The following SDHA variants were observed in gnomAD, a reference collection of about 807,000 sequenced individuals.
SDHA encodes succinate dehydrogenase [ubiquinone] flavoprotein subunit, mitochondrial.
SDHA carries 48 observed loss-of-function variants against 78.4 expected under a neutral mutation model. The ratio of observed to expected loss-of-function variants is 0.61; its 90% CI spans 0.49 to 0.78. The LOEUF is 0.78. SDHA is among the 30% of genes least tolerant of loss of function. SDHA has a pLI of 0.00. For missense variants in SDHA, 680 were observed against 892.7 expected (o/e 0.76, Z 3.04); for synonymous variants, 326 against 353.9 (o/e 0.92, Z 0.88).
Position 225,759 on chromosome 5 carries a change from A to G in SDHA, c.457-124A>G, listed in dbSNP as rs1734979817. The stretch of plus-strand genomic sequence containing the variant: ...AACTTCTCTTTGATGAAGTGTTGAC[A>G]TTTTCATAAAATAGGTTACTTTGGG... On this transcript the variant is annotated intron_variant, in intron 4 of 14. Transcript: ENST00000264932. 20 of 1,412,190 alleles carry G rather than the reference A, an allele frequency of 1.4e-5. No homozygotes were observed. The Middle Eastern group carries it at 7.4e-4, about 52-fold the overall frequency. 87.5% of individuals were successfully genotyped at this position (1,412,190 alleles called of 1,614,324 possible).
chr5:221,446 A>G (rs1419803892), intron 1 of SDHA, among the ~76,000 whole-genome samples: 1 of 152,176 alleles, frequency 6.6e-6, no homozygotes, highest in Non-Finnish European at 1.5e-5. Context: ...TAGGTTGTAC[A>G]TGCAGATTAG....
At chr5:259,473 AG>A (rs1737404261), downstream of SDHA, among the ~76,000 whole-genome samples, 1 of 32,284 alleles carries the variant, frequency 3.1e-5, no homozygotes. Flanking sequence ...GCCTCCTGCC[AG>A]AGCATTACCG....
Position 230,758 on chromosome 5 carries a change from G to A in SDHA, c.771-118G>A, listed in dbSNP as rs1735344552. On this transcript the variant is annotated intron_variant, in intron 6 of 14. Coordinates refer to ENST00000264932, the MANE Select transcript of SDHA (RefSeq NM_004168.4). ...GGGGTGTGCGTGAGTAGGGGGTTGT[G>A]TGTGCACAGCACTGAGAAGACGGTG... 11 of 1,365,666 alleles carry A rather than the reference G, an allele frequency of 8.1e-6. No homozygotes were observed. The South Asian group carries it at 8.2e-5, about 10-fold the overall frequency. The allele number at this position is 1,365,666 out of a possible 1,614,324, so 84.6% of individuals were successfully genotyped here.
At chr5:231,986 G>C (rs1476819325) in intron 7 of SDHA, among the ~76,000 whole-genome samples, 6 of 150,534 alleles carry the variant, frequency 4.0e-5, no homozygotes, top group African/African-American at 1.5e-4. Context: ...TTGAAGTCTT[G>C]AGTTTGGAGG....
intron 11 of SDHA, among the ~76,000 whole-genome samples, chr5:246,661 A>G (rs1438769147): frequency 2.6e-5 from 4 of 152,144 alleles, no homozygotes; most frequent in African/African-American, 2.4e-5. Flanking sequence ...TCTTCCACAT[A>G]CTAATTCATG....
chr5:228,454 T>G, intron 6 of SDHA, 121 bp downstream of exon 6: 2 of 1,113,496 alleles, frequency 1.8e-6, no homozygotes, highest in Non-Finnish European at 2.6e-6. Context: ...GGCCTTGATA[T>G]AACCATGTGA....
rs529751525 is a variant in SDHA at position 235,417 on chromosome 5, A to C, written c.1260+78A>C. The C allele has an allele frequency of 1.4e-5, 19 of 1,353,316 alleles. No homozygotes were observed. The Admixed American group carries it at 1.5e-4, about 11-fold the overall frequency. 83.8% of individuals were successfully genotyped at this position (1,353,316 alleles called of 1,614,324 possible). A position where few individuals can be genotyped will look rare whatever the true frequency, so the allele number is the denominator to read the frequency against. ...GCCCACCTCGCAGTTGTCTCTTTAG[A>C]TCTTACAGGAAAAGATAGATGTTTC... is the stretch of plus-strand genomic sequence containing the variant. On this transcript the variant is annotated intron_variant, in intron 9 of 14. Transcript: ENST00000264932.
downstream of SDHA, among the ~76,000 whole-genome samples, chr5:257,603 G>C: frequency 8.4e-6 from 1 of 118,376 alleles, no homozygotes; most frequent in South Asian, 2.7e-4. Flanking sequence ...TACCTTGTGA[G>C]CTCCACCCCC....
intron 8 of SDHA, 117 bp from the exon 9 acceptor site, chr5:235,027 G>A: frequency 9.8e-7 from 1 of 1,023,016 alleles, no homozygotes; most frequent in Admixed American, 1.8e-5. Flanking sequence ...ATACATGAGG[G>A]GAAATTTTCC....
intron 11 of SDHA, among the ~76,000 whole-genome samples, chr5:248,805 C>G (rs1240484452): frequency 6.6e-6 from 1 of 152,204 alleles, no homozygotes; most frequent in East Asian, 1.9e-4. Context: ...GCCACGGCCA[C>G]ACTATGTTCA....
chr5:238,267 CACA>C (rs1413092668), intron 10 of SDHA, among the ~76,000 whole-genome samples: 10 of 151,992 alleles, frequency 6.6e-5, no homozygotes. Context: ...GACTTACAGA[CACA>C]ACTCTGTGTG....
At chr5:244,247 C>T (rs1736313351) in intron 11 of SDHA, among the ~76,000 whole-genome samples, 2 of 151,458 alleles carry the variant, frequency 1.3e-5, no homozygotes, top group Non-Finnish European at 2.9e-5. Flanking sequence ...CTTGGGGAAC[C>T]CCCACCAAAG....
In SDHA at chr5:235,353, C is replaced by T. The variant is rs1237313111; in HGVS notation, c.1260+14C>T. On this transcript the variant is annotated intron_variant, in intron 9 of 14. Coordinates refer to ENST00000264932, the MANE Select transcript of SDHA (RefSeq NM_004168.4). ...TACAAGGGGCAGGTGATGGTGCTGGCTCCTCCCCCACAGCTGGAAAGAAGG... is the reference window on the plus strand; with the variant it reads ...TACAAGGGGCAGGTGATGGTGCTGGTTCCTCCCCCACAGCTGGAAAGAAGG... 6.2e-7 allele frequency: 1 copy of T among 1,613,734 alleles called. No individual in the cohort carries two copies. The highest frequency in any genetic ancestry group is 1.3e-5 in the African/African-American group (1 of 75,022).
At position 225,373 on chromosome 5, in the gene SDHA, T is replaced by C. The variant is rs373761366; in HGVS notation, c.313-46T>C. On this transcript the variant is annotated intron_variant, in intron 3 of 14. Transcript: ENST00000264932. ...GTGGATTTGGGCCTGGAAGACAAAG[T>C]TGGCGCTCCTGTTTGTGGCTTGTAA... The C allele has an allele frequency of 1.4e-4, 222 of 1,611,820 alleles. No individual in the cohort carries two copies. The African/African-American group carries it at 2.7e-3, about 19-fold the overall frequency.
At chr5:219,115 A>T (rs1017608914) in intron 1 of SDHA, among the ~76,000 whole-genome samples, 4 of 152,192 alleles carry the variant, frequency 2.6e-5, no homozygotes, top group African/African-American at 9.6e-5. Flanking sequence ...CAGTGTTTAA[A>T]AGCAGCTGTG....
rs980815395 is a variant in SDHA, at chr5:256,599, G to A, written c.*179G>A. ...GCCAGGAACCCAGTGGCCAGGGAGC[G>A]TGGCACTTACCTTTGTCCCTTGCTT... is the stretch of plus-strand genomic sequence containing the variant. On this transcript the variant is annotated 3_prime_UTR_variant, in exon 15 of 15. Coordinates refer to ENST00000264932, the MANE Select transcript of SDHA (RefSeq NM_004168.4). 145 of 656,844 alleles carry A rather than the reference G, an allele frequency of 2.2e-4. 1 individual carries two copies. The highest frequency in any genetic ancestry group is 5.9e-4 in the African/African-American group (33 of 55,774). 40.7% of individuals were successfully genotyped at this position (656,844 alleles called of 1,614,324 possible). A position where few individuals can be genotyped will look rare whatever the true frequency, so the allele number is the denominator to read the frequency against.
intron 6 of SDHA, among the ~76,000 whole-genome samples, chr5:229,720 T>G (rs1388693124): frequency 6.6e-6 from 1 of 152,144 alleles, no homozygotes; most frequent in Non-Finnish European, 1.5e-5. Context: ...GAGTTAACAT[T>G]ATACAGCATG....
At chr5:249,012 T>C in intron 11 of SDHA, 1 of 395,242 alleles carries the variant, frequency 2.5e-6, no homozygotes, top group Non-Finnish European at 4.8e-6. Context: ...TAAAAAAGCA[T>C]CTAGAAGGAC....
At chr5:250,119 A>G (rs1334983957) in intron 11 of SDHA, 2 of 152,246 alleles carry the variant, frequency 1.3e-5, no homozygotes, top group African/African-American at 4.8e-5. Flanking sequence ...CTGAGATGCA[A>G]TGTTTTTCAT....
Sources: allele counts gnomAD v4.1 joint callset (sites outside exome capture counted in the v4.1 genomes callset), GRCh38; gene constraint gnomAD v4.1.1; transcripts MANE v1.5; gene names NCBI Gene and HGNC (gene_info 2026-07-23, HGNC 2026-07-21).